The following ADGRL2 variants were observed in gnomAD, a reference collection of about 807,000 sequenced individuals.
ADGRL2 encodes calcium-independent alpha-latrotoxin receptor 2.
In ADGRL2, 44 loss-of-function variants were observed where a neutral mutation model predicts 157.4. That is an observed-to-expected ratio of 0.28 (90% CI 0.22 to 0.36). ADGRL2 has a LOEUF of 0.36. Ranked by LOEUF, ADGRL2 falls within the 10% of genes least tolerant of loss-of-function variation. The pLI is 1.00. For missense variants in ADGRL2, 1,510 were observed against 1,768.9 expected, an observed-to-expected ratio of 0.85 and a Z score of 2.63; for synonymous variants, 585 against 624.7, an observed-to-expected ratio of 0.94 and a Z score of 0.95.
intron 1 of ADGRL2, among the ~76,000 whole-genome samples, chr1:81,804,487 C>A (rs756578004): frequency 2.0e-5 from 3 of 152,186 alleles, no homozygotes; most frequent in African/African-American, 7.2e-5. Context: ...CCTTTTGCTT[C>A]CAAGCGGAGG....
chr1:81,511,080 T>C (rs117659159), intron 2 of ADGRL2, among the ~76,000 whole-genome samples: 1,636 of 152,250 alleles, frequency 0.011, 21 homozygotes, highest in East Asian at 0.034. Context: ...AATTTTTTAT[T>C]AAATATAAAT....
intron 2 of ADGRL2, among the ~76,000 whole-genome samples, chr1:81,511,379 A>G (rs918546704): frequency 7.8e-6 from 1 of 128,602 alleles, no homozygotes; most frequent in African/African-American, 3.3e-5. Flanking sequence ...TTGTCTCAGA[A>G]AAAAAAAAAA....
chr1:81,783,471 T>C (rs1016295900), intron 2 of ADGRL2, among the ~76,000 whole-genome samples: 4 of 152,082 alleles, frequency 2.6e-5, no homozygotes, highest in African/African-American at 9.7e-5. Flanking sequence ...TATTTTTTCT[T>C]TGCCTCTATC....
intron 2 of ADGRL2, among the ~76,000 whole-genome samples, chr1:81,451,896 C>G (rs569466187): frequency 2.3e-4 from 35 of 152,194 alleles, no homozygotes; most frequent in African/African-American, 8.4e-4. Flanking sequence ...AAATAATACA[C>G]CTGTCTTTCA....
At chr1:81,746,935 C>T (rs900782327) in intron 1 of ADGRL2, among the ~76,000 whole-genome samples, 100 of 147,412 alleles carry the variant, frequency 6.8e-4, no homozygotes, top group East Asian at 1.0e-3. Context: ...TATATACACA[C>T]GTATACACAT....
chr1:81,370,861 T>C (rs968225713), intron 1 of ADGRL2, among the ~76,000 whole-genome samples: 2 of 152,194 alleles, frequency 1.3e-5, no homozygotes, highest in Non-Finnish European at 2.9e-5. Context: ...ACACTAAGAA[T>C]AATAGAATCA....
chr1:81,860,434 C>T (rs527645316), intron 2 of ADGRL2, among the ~76,000 whole-genome samples: 3 of 152,216 alleles, frequency 2.0e-5, no homozygotes, highest in African/African-American at 7.2e-5. Flanking sequence ...GCCTTGACCT[C>T]CCAAAGTGCT....
intron 1 of ADGRL2, among the ~76,000 whole-genome samples, chr1:81,402,507 T>C (rs994416243): frequency 6.6e-6 from 1 of 152,090 alleles, no homozygotes; most frequent in Non-Finnish European, 1.5e-5. Context: ...TTCTAACCTA[T>C]AGGTTCTAAC....
At chr1:81,696,207 C>T (rs2083440488), upstream of ADGRL2, among the ~76,000 whole-genome samples, 1 of 151,804 alleles carries the variant, frequency 6.6e-6, no homozygotes, top group African/African-American at 2.4e-5. Context: ...ATTTTTTTTC[C>T]CTCTCGGCTA....
intron 11 of ADGRL2, among the ~76,000 whole-genome samples, chr1:81,963,731 A>G (rs1656196963): frequency 6.6e-6 from 1 of 151,494 alleles, no homozygotes; most frequent in Non-Finnish European, 1.5e-5. Flanking sequence ...TTTACTAAAA[A>G]TTTAATTTGT....
At chr1:81,434,421 T>C (rs1012052679) in intron 1 of ADGRL2, among the ~76,000 whole-genome samples, 2 of 151,422 alleles carry the variant, frequency 1.3e-5, no homozygotes, top group African/African-American at 4.8e-5. Context: ...GGTATGTGTT[T>C]ATTGTCTCTC....
intron 3 of ADGRL2, among the ~76,000 whole-genome samples, chr1:81,622,473 C>A (rs1202720128): frequency 6.6e-6 from 1 of 152,182 alleles, no homozygotes; most frequent in Non-Finnish European, 1.5e-5. Flanking sequence ...CCCAGCTACT[C>A]AGGAGCCTGA....
intron 1 of ADGRL2, among the ~76,000 whole-genome samples, chr1:81,715,295 CT>C (rs1032821395): frequency 6.6e-6 from 1 of 150,980 alleles, no homozygotes; most frequent in Non-Finnish European, 1.5e-5. Flanking sequence ...TTCTTTTTTC[CT>C]TTTTTTAATT....
chr1:81,621,357 T>C (rs898153382), intron 3 of ADGRL2, among the ~76,000 whole-genome samples: 3 of 152,162 alleles, frequency 2.0e-5, no homozygotes, highest in Admixed American at 6.5e-5. Context: ...CTGACTTGCT[T>C]CTAAGCAGCA....
chr1:81,522,746 C>T (rs544413919), intron 2 of ADGRL2, among the ~76,000 whole-genome samples: 3 of 152,012 alleles, frequency 2.0e-5, no homozygotes, highest in South Asian at 4.1e-4. Flanking sequence ...GATAAAAATC[C>T]GTATTTTATC....
At chr1:81,390,235 G>C (rs1333844510) in intron 1 of ADGRL2, among the ~76,000 whole-genome samples, 2 of 152,298 alleles carry the variant, frequency 1.3e-5, no homozygotes, top group African/African-American at 2.4e-5. Flanking sequence ...AAAGAATGGT[G>C]CATGTAGCAA....
Position 81,855,895 on chromosome 1 carries a change from C to T in ADGRL2, c.73+18838C>T, listed in dbSNP as rs147670781. Among the ~76,000 whole-genome samples, 607 of 152,174 alleles carry T rather than the reference C, an allele frequency of 4.0e-3. 4 individuals are homozygous for T. Among genetic ancestry groups the T allele is most frequent in the African/African-American group, 0.013 (546 of 41,508 alleles). ...AAAAGGAATGAATTGATGAAATTTC[C>T]GAAGTCATATTCACAGTAGAAGTGA... On this transcript the variant is annotated intron_variant, in intron 2 of 23. Coordinates refer to ENST00000686636, the MANE Select transcript of ADGRL2 (RefSeq NM_001366006.2).
intron 2 of ADGRL2, among the ~76,000 whole-genome samples, chr1:81,867,927 A>G (rs1464153957): frequency 6.6e-6 from 1 of 151,842 alleles, no homozygotes; most frequent in African/African-American, 2.4e-5. Flanking sequence ...GAGCTTATAG[A>G]CTCTTTGGAG....
intron 13 of ADGRL2, among the ~76,000 whole-genome samples, chr1:81,967,580 A>G (rs547299019): frequency 1.3e-5 from 2 of 152,208 alleles, no homozygotes; most frequent in Admixed American, 6.5e-5. Flanking sequence ...GACTCTTAAG[A>G]GCTTGTAGGT....
Sources: allele counts gnomAD v4.1 joint callset (sites outside exome capture counted in the v4.1 genomes callset), GRCh38; gene constraint gnomAD v4.1.1; transcripts MANE v1.5; gene names NCBI Gene and HGNC (gene_info 2026-07-23, HGNC 2026-07-21).